SLC12A1: variants seen among roughly 807,000 people sequenced by gnomAD.
The protein encoded by SLC12A1 is solute carrier family 12 member 1.
SLC12A1 carries 89 observed loss-of-function variants against 130.4 expected under a neutral mutation model. That is an observed-to-expected ratio of 0.68 (90% CI 0.58 to 0.81). SLC12A1 has a LOEUF of 0.81. Ranked by LOEUF, SLC12A1 falls within the 40% of genes least tolerant of loss-of-function variation. The pLI is 0.00. For synonymous variants in SLC12A1, 499 were observed against 460.0 expected (o/e 1.08, Z -1.09); for missense variants, 1,310 against 1,336.4 (o/e 0.98, Z 0.31).
chr15:48,259,626 T>C (rs891223533), intron 17 of SLC12A1, among the ~76,000 whole-genome samples: 2 of 152,150 alleles, frequency 1.3e-5, no homozygotes, highest in Admixed American at 1.3e-4. Context: ...GTGATAACTG[T>C]CTACAGAAAT....
intron 20 of SLC12A1, among the ~76,000 whole-genome samples, chr15:48,275,979 T>A (rs1208180708): frequency 2.0e-5 from 3 of 152,138 alleles, no homozygotes; most frequent in Non-Finnish European, 4.4e-5. Flanking sequence ...AGTTCTACAA[T>A]AATCAAACAA....
intron 19 of SLC12A1, among the ~76,000 whole-genome samples, chr15:48,272,369 T>G (rs752331831): frequency 6.6e-6 from 1 of 152,230 alleles, no homozygotes; most frequent in Non-Finnish European, 1.5e-5. Flanking sequence ...CATTTTTCTT[T>G]GAATAAAAGA....
chr15:48,211,102 A>C (rs914673042), intron 2 of SLC12A1, among the ~76,000 whole-genome samples: 7 of 152,228 alleles, frequency 4.6e-5, no homozygotes, highest in African/African-American at 1.7e-4. Context: ...TATAGTAATA[A>C]GCTACTCTTT....
chr15:48,247,302 A>G, intron 12 of SLC12A1, 35 bp from the exon 13 acceptor site: 1 of 1,593,372 alleles, frequency 6.3e-7, no homozygotes, highest in Admixed American at 1.8e-5. Context: ...GTGCATAGCT[A>G]TAAATGACAA....
intron 5 of SLC12A1, 67 bp from the exon 6 acceptor site, chr15:48,229,122 G>C: frequency 6.8e-7 from 1 of 1,473,864 alleles, no homozygotes; most frequent in Non-Finnish European, 9.2e-7. Context: ...TTCTCAGATA[G>C]TCACAATCGT....
chr15:48,258,054 CTT>C (rs1200482791), intron 16 of SLC12A1, among the ~76,000 whole-genome samples: 1 of 152,150 alleles, frequency 6.6e-6, no homozygotes, highest in Non-Finnish European at 1.5e-5. Flanking sequence ...CTGCCAGTCT[CTT>C]TGCACAGCAA....
At chr15:48,265,941 G>T (rs2041827094) in intron 17 of SLC12A1, among the ~76,000 whole-genome samples, 1 of 152,098 alleles carries the variant, frequency 6.6e-6, no homozygotes, top group Non-Finnish European at 1.5e-5. Context: ...CCAAAATATT[G>T]TAATTTCAAT....
chr15:48,269,411 A>T (rs990212112), intron 18 of SLC12A1, among the ~76,000 whole-genome samples: 1 of 152,250 alleles, frequency 6.6e-6, no homozygotes, highest in African/African-American at 2.4e-5. Context: ...GAAGAAATGC[A>T]AATGACTGCT....
intron 11 of SLC12A1, 127 bp from the exon 12 acceptor site, chr15:48,246,782 A>AAAT (rs2041586411): frequency 4.3e-6 from 3 of 692,026 alleles, no homozygotes; most frequent in Non-Finnish European, 8.0e-6. Flanking sequence ...TGTCTCAAAC[A>AAAT]AACAACAACA....
In SLC12A1 at chr15:48,302,932, A is replaced by ACATTATGTTCC; in HGVS notation, c.*47_*48insCATTATGTTCC. On this transcript the variant is annotated 3_prime_UTR_variant, in exon 27 of 27. Transcript: ENST00000380993. ...TTTTAACTTAATGTAATGCATAATT[A>ACATTATGTTCC]AGAAACATGTTCCAGTACTTTATGT... is the stretch of plus-strand genomic sequence containing the variant. 1 of 1,400,070 alleles carries ACATTATGTTCC rather than the reference A, an allele frequency of 7.1e-7. No individual in the cohort carries two copies. The highest frequency in any genetic ancestry group is 1.0e-6 in the Non-Finnish European group (1 of 1,000,156). 86.7% of individuals were successfully genotyped at this position (1,400,070 alleles called of 1,614,324 possible).
In SLC12A1 at chr15:48,227,507, T is replaced by C. The variant is rs530352738; in HGVS notation, c.724+936T>C. 6.6e-5 allele frequency: 21 copies of C among 317,954 alleles called. No individual in the cohort carries two copies. The Admixed American group carries it at 8.4e-4, about 13-fold the overall frequency. The allele number at this position is 317,954 out of a possible 1,614,324, so 19.7% of individuals were successfully genotyped here. ...CTCTCGCAGGTCCTCTCAGCATGGG[T>C]CTTCTCCAATGCCCCAGATGGCATT... On this transcript the variant is annotated intron_variant, in intron 5 of 26. Coordinates refer to ENST00000380993, the MANE Select transcript of SLC12A1 (RefSeq NM_000338.3).
intron 9 of SLC12A1, 67 bp from the exon 10 acceptor site, chr15:48,241,447 TA>T (rs1879835417): frequency 1.6e-6 from 2 of 1,263,712 alleles, no homozygotes; most frequent in Non-Finnish European, 2.3e-6. Context: ...AATATGAAAA[TA>T]ACTCCAAGTG....
intron 17 of SLC12A1, among the ~76,000 whole-genome samples, chr15:48,266,225 T>C (rs1375141794): frequency 6.6e-6 from 1 of 152,174 alleles, no homozygotes; most frequent in African/African-American, 2.4e-5. Flanking sequence ...CAACCCAACA[T>C]TCTGACTCAC....
chr15:48,237,177 T>C, intron 9 of SLC12A1: 1 of 613,360 alleles, frequency 1.6e-6, no homozygotes, highest in Non-Finnish European at 2.9e-6. Flanking sequence ...AATCCAGGTT[T>C]TGAGGGATGA....
chr15:48,229,390 A>T lies in SLC12A1; in HGVS notation c.864+62A>T. On this transcript the variant is annotated intron_variant, in intron 6 of 26. Coordinates refer to ENST00000380993, the MANE Select transcript of SLC12A1 (RefSeq NM_000338.3). Reference sequence around the variant, plus strand: ...ATAATTTAGTTTAGTTTGCCTTCTCAGGGCACTAAGGGATATCATTACAGC... The same window carrying T: ...ATAATTTAGTTTAGTTTGCCTTCTCTGGGCACTAAGGGATATCATTACAGC... The T allele has an allele frequency of 2.7e-6, 4 of 1,471,692 alleles. No homozygotes were observed. In the East Asian group the frequency reaches 9.8e-5, roughly 36 times the overall value. The allele number at this position is 1,471,692 out of a possible 1,614,324, so 91.2% of individuals were successfully genotyped here.
At position 48,207,377 on chromosome 15, in the gene SLC12A1, A is replaced by G. The variant is rs185263570; in HGVS notation, c.-186-157A>G. 1.3e-4 allele frequency among the ~76,000 whole-genome samples: 20 copies of G among 152,310 alleles called. No individual in the cohort carries two copies. In the East Asian group the frequency reaches 3.9e-3, roughly 29 times the overall value. On this transcript the variant is annotated intron_variant, in intron 1 of 26. Coordinates refer to ENST00000380993, the MANE Select transcript of SLC12A1 (RefSeq NM_000338.3). Reference sequence around the variant, plus strand: ...TTCCAGTTATTTATTATCAGATTTAATTACTCACATGACTAAGGTTCCTGG... The same window carrying G: ...TTCCAGTTATTTATTATCAGATTTAGTTACTCACATGACTAAGGTTCCTGG...
chr15:48,275,777 T>C (rs183389193), intron 20 of SLC12A1, among the ~76,000 whole-genome samples: 50 of 152,316 alleles, frequency 3.3e-4, no homozygotes, highest in African/African-American at 1.1e-3. Context: ...GCTGCCACTA[T>C]AAGGAGGATC....
chr15:48,222,496 T>G (rs1417315601), intron 4 of SLC12A1: 3 of 151,918 alleles, frequency 2.0e-5, no homozygotes, highest in Non-Finnish European at 4.4e-5. Context: ...ATAAAGATCT[T>G]TATATTGAAG....
chr15:48,245,776 T>C (rs1033941120), intron 11 of SLC12A1, among the ~76,000 whole-genome samples: 1 of 152,224 alleles, frequency 6.6e-6, no homozygotes, highest in Admixed American at 6.5e-5. Flanking sequence ...TTCTTTTGGA[T>C]ATATACCCAG....
Sources: gnomAD v4.1 joint callset for allele counts (sites outside exome capture counted in the v4.1 genomes callset) on GRCh38, gnomAD v4.1.1 for gene constraint, MANE v1.5 for transcripts, NCBI Gene and HGNC (gene_info 2026-07-23, HGNC 2026-07-21) for gene names.